The following CA14 variants were observed in gnomAD, a reference collection of about 807,000 sequenced individuals.
The protein encoded by CA14 is carbonic anhydrase 14.
Under a neutral mutation model 48.8 loss-of-function variants are expected in CA14, and 44 were observed. The observed-to-expected ratio is 0.90, with a 90% CI of 0.71 to 1.16. The LOEUF (loss-of-function observed/expected upper bound fraction) is 1.16, where lower values mean the gene tolerates loss of function less well. Among genes scored for constraint, CA14 ranks in the 50% most tolerant of loss-of-function variants. The pLI is 0.00. For missense variants in CA14, 386 were observed against 401.0 expected (o/e 0.96, Z 0.32); for synonymous variants, 154 against 155.0 (o/e 0.99, Z 0.05).
In CA14 at chr1:150,263,695, A is replaced by G; in HGVS notation, c.862+16A>G. 1.2e-6 allele frequency: 2 copies of G among 1,614,078 alleles called. No individual in the cohort carries two copies. The highest frequency in any genetic ancestry group is 8.5e-7 in the Non-Finnish European group (1 of 1,179,966). ...TATACCACAGGTAAGCCAGCCTTAT[A>G]AGATAATGCGGGGAGGGGAGGTGTC... is the stretch of plus-strand genomic sequence containing the variant. On this transcript the variant is annotated intron_variant, in intron 9 of 10. Transcript: ENST00000369111.
chr1:150,258,806 A>C (rs1393485904), intron 1 of CA14, among the ~76,000 whole-genome samples: 1 of 152,252 alleles, frequency 6.6e-6, no homozygotes, highest in African/African-American at 2.4e-5. Flanking sequence ...GAAGCGCTCC[A>C]GGAGTGTCCC....
In CA14 at chr1:150,262,563, C is replaced by T; in HGVS notation, c.438C>T (p.Ser146=). The T allele has an allele frequency of 1.2e-6, 2 of 1,614,062 alleles. No individual in the cohort carries two copies. Among genetic ancestry groups the T allele is most frequent in the Non-Finnish European group, 1.7e-6 (2 of 1,179,948 alleles). The change falls in exon 5 of 11, where the codon AGC becomes AGT. Residue 146 remains serine (S), a synonymous_variant. Coordinates refer to ENST00000369111, the MANE Select transcript of CA14 (RefSeq NM_012113.3). ...ATTATGACTCTGATTCCTATGACAG[C>T]TTGAGTGAGGCTGCTGAGAGGCCTC... The part of the protein sequence containing the change: ...IVHYDSDSYD[S]LSEAAERPQG...
chr1:150,259,387 C>A (rs1439739208), intron 1 of CA14, among the ~76,000 whole-genome samples: 1 of 152,120 alleles, frequency 6.6e-6, no homozygotes, highest in Non-Finnish European at 1.5e-5. Flanking sequence ...CAGGACTGCA[C>A]GAGAGCCTGG....
intron 1 of CA14, among the ~76,000 whole-genome samples, chr1:150,258,450 G>A (rs1650732073): frequency 6.6e-6 from 1 of 152,128 alleles, no homozygotes; most frequent in Admixed American, 6.5e-5. Flanking sequence ...TCTCTTTGCA[G>A]GCTACAGATT....
Position 150,263,001 on chromosome 1 carries a change from G to T in CA14, c.563-41G>T, listed in dbSNP as rs782658910. ...GGGAGCCCTATCTAGGTAAGCTAGG[G>T]CACACTGAAAGGAAGATGAGTCCCA... is the stretch of plus-strand genomic sequence containing the variant. On this transcript the variant is annotated intron_variant, in intron 6 of 10. Transcript: ENST00000369111. 4 of 1,611,540 alleles carry T rather than the reference G, an allele frequency of 2.5e-6. No individual in the cohort carries two copies. In the African/African-American group the frequency reaches 5.3e-5, roughly 22 times the overall value.
rs1168655049 is a variant in CA14, at chr1:150,260,751, G to GATTTTTTTTTTTTTTTTT, written c.76+580_76+581insATTTTTTTTTTTTTTTTT. The GATTTTTTTTTTTTTTTTT allele has an allele frequency of 1.1e-4, 12 of 104,848 alleles. 6 individuals are homozygous for GATTTTTTTTTTTTTTTTT. The highest frequency in any genetic ancestry group is 1.4e-4 in the Non-Finnish European group (8 of 55,278). The allele number at this position is 104,848 out of a possible 1,614,324, so 6.5% of individuals were successfully genotyped here. The stretch of plus-strand genomic sequence containing the variant: ...CCTCCAGGAGACCGTATCTCTCTAG[G>GATTTTTTTTTTTTTTTTT]TTATTTTTTTTTTTTTTTTTTTTTT... On this transcript the variant is annotated intron_variant, in intron 2 of 10. Coordinates refer to ENST00000369111, the MANE Select transcript of CA14 (RefSeq NM_012113.3).
Position 150,261,466 on chromosome 1 carries a change from T to C in CA14, c.84T>C (p.His28=), listed in dbSNP as rs1651022258. 6.2e-7 allele frequency: 1 copy of C among 1,613,848 alleles called. No homozygotes were observed. Among genetic ancestry groups the C allele is most frequent in the East Asian group, 2.2e-5 (1 of 44,872 alleles). ...TTTGGTAACCCCCACCAGGCCCACATGGTCAGGACCATTGGCCAGCCTCTT... is the reference window on the plus strand; with the variant it reads ...TTTGGTAACCCCCACCAGGCCCACACGGTCAGGACCATTGGCCAGCCTCTT... ...GGQHWTYEGP[H]GQDHWPASYP... The change falls in exon 3 of 11, where the codon CAT becomes CAC. Residue 28 remains histidine, a synonymous_variant. Coordinates refer to ENST00000369111, the MANE Select transcript of CA14 (RefSeq NM_012113.3).
At position 150,264,656 on chromosome 1, in the gene CA14, A is replaced by G; in HGVS notation, c.1011A>G (p.Ala337=). ...CCTCAGCACAAGCCACGACTGAGGC[A>G]TAAATTCCTTCTCAGATACCATGGA... ...VFTSAQATTE[A] The change falls in exon 11 of 11, where the codon GCA becomes GCG. Residue 337 remains alanine (A), a synonymous_variant. Coordinates refer to ENST00000369111, the MANE Select transcript of CA14 (RefSeq NM_012113.3). The G allele has an allele frequency of 6.2e-7, 1 of 1,612,138 alleles. No individual in the cohort carries two copies. The highest frequency in any genetic ancestry group is 8.5e-7 in the Non-Finnish European group (1 of 1,178,852).
In CA14 at chr1:150,263,236, T is replaced by C. The variant is rs782118148; in HGVS notation, c.720+37T>C. The C allele has an allele frequency of 1.3e-5, 21 of 1,613,656 alleles. No homozygotes were observed. In the Admixed American group the frequency reaches 3.5e-4, roughly 27 times the overall value. ...AGAAACGAGGTGAGGTGAGACACAGTTGTAACTTCAGACCCCTTCCCACTC... is the reference window on the plus strand; with the variant it reads ...AGAAACGAGGTGAGGTGAGACACAGCTGTAACTTCAGACCCCTTCCCACTC... On this transcript the variant is annotated intron_variant, in intron 7 of 10. Transcript: ENST00000369111.
At position 150,260,167 on chromosome 1, in the gene CA14, T is replaced by A. The variant is rs782688929; in HGVS notation, c.72T>A (p.Tyr24Ter). 1.9e-6 allele frequency: 3 copies of A among 1,613,810 alleles called. No individual in the cohort carries two copies. Among genetic ancestry groups the A allele is most frequent in the African/African-American group, 1.3e-5 (1 of 74,924 alleles). Residue 24 changes from tyrosine (Y) to a stop codon, truncating the protein, a stop_gained, in exon 2 of 11, where the codon TAT becomes TAA. Coordinates refer to ENST00000369111, the MANE Select transcript of CA14 (RefSeq NM_012113.3). LOFTEE classifies it high-confidence loss of function. ...GCCTTGCAGGTCAACACTGGACGTA[T>A]GAGGGTGAGCAGATCTCAAGGCCTC... ...LAADGGQHWT[Y>*]EGPHGQDHWP...
intron 9 of CA14, 49 bp downstream of exon 9, chr1:150,263,728 A>T: frequency 1.2e-6 from 2 of 1,612,444 alleles, no homozygotes; most frequent in South Asian, 2.2e-5. Flanking sequence ...GTCCTCACCG[A>T]GTGGGGGAAA....
Position 150,261,452 on chromosome 1 carries a change from C to G in CA14, c.77-7C>G. 2.5e-6 allele frequency: 4 copies of G among 1,613,114 alleles called. No homozygotes were observed. Among genetic ancestry groups the G allele is most frequent in the Non-Finnish European group, 2.5e-6 (3 of 1,179,384 alleles). The stretch of plus-strand genomic sequence containing the variant: ...ACAGGACCAATGTCTTTGGTAACCC[C>G]CACCAGGCCCACATGGTCAGGACCA... On this transcript the variant is annotated splice_region_variant and splice_polypyrimidine_tract_variant and intron_variant, in intron 2 of 10. Transcript: ENST00000369111.
chr1:150,260,088 T>C (rs1219227311), intron 1 of CA14, 63 bp from the exon 2 acceptor site: 5 of 1,537,946 alleles, frequency 3.3e-6, no homozygotes, highest in Non-Finnish European at 4.5e-6. Context: ...GGGAGGGGAG[T>C]GTGGAGGCCA....
At chr1:150,261,302 C>T in intron 2 of CA14, 157 bp from the exon 3 acceptor site, 1 of 635,964 alleles carries the variant, frequency 1.6e-6, no homozygotes, top group East Asian at 2.7e-5. Flanking sequence ...TCACCCATCC[C>T]TATACAACTG....
chr1:150,258,056 TCC>T lies in CA14; in HGVS notation c.-71_-70del. 2 of 1,060,060 alleles carry T rather than the reference TCC, an allele frequency of 1.9e-6. No homozygotes were observed. The highest frequency in any genetic ancestry group is 2.7e-5 in the East Asian group (1 of 37,046). The allele number at this position is 1,060,060 out of a possible 1,614,324, so 65.7% of individuals were successfully genotyped here. ...TCTCTCTCTCTCTCTCACTCCTCCC[TCC>T]CTCTCTCTCTGCCTGTCCTAGTCCT... On this transcript the variant is annotated 5_prime_UTR_variant, in exon 1 of 11. Transcript: ENST00000369111.
At chr1:150,262,970 G>C in intron 6 of CA14, 72 bp from the exon 7 acceptor site, 1 of 1,593,892 alleles carries the variant, frequency 6.3e-7, no homozygotes, top group Admixed American at 1.7e-5. Context: ...AAGGAATTTT[G>C]CTTCTGGGAG....
intron 6 of CA14, 67 bp downstream of exon 6, chr1:150,262,937 G>A: frequency 6.3e-7 from 1 of 1,580,892 alleles, no homozygotes; most frequent in Non-Finnish European, 8.7e-7. Flanking sequence ...AAAAGCCTTG[G>A]GATGAAGCAA....
chr1:150,262,402 G>A lies in CA14; in HGVS notation c.399+102G>A, dbSNP rs1553848072. 4 of 1,503,258 alleles carry A rather than the reference G, an allele frequency of 2.7e-6. No individual in the cohort carries two copies. The African/African-American group carries it at 5.5e-5, about 21-fold the overall frequency. 93.1% of individuals were successfully genotyped at this position (1,503,258 alleles called of 1,614,324 possible). On this transcript the variant is annotated intron_variant, in intron 4 of 10. Coordinates refer to ENST00000369111, the MANE Select transcript of CA14 (RefSeq NM_012113.3). ...GGAAAAGTCATGCTGGGGGGATAAG[G>A]CCAATCTCTGAGGGACAGACTTAGT...
chr1:150,262,693 G>A, intron 5 of CA14, 73 bp downstream of exon 5: 1 of 1,408,860 alleles, frequency 7.1e-7, no homozygotes, highest in Non-Finnish European at 1.0e-6. Context: ...TCTGTTGCTG[G>A]CCTCCTTCCT....
Sources: allele counts gnomAD v4.1 joint callset (sites outside exome capture counted in the v4.1 genomes callset), GRCh38; gene constraint gnomAD v4.1.1; transcripts MANE v1.5; gene names NCBI Gene and HGNC (gene_info 2026-07-23, HGNC 2026-07-21).